LRPAP1: variants seen among roughly 807,000 people sequenced by gnomAD.
The protein encoded by LRPAP1 is alpha-2-macroglobulin receptor-associated protein.
Under a neutral mutation model 39.9 loss-of-function variants are expected in LRPAP1, and 41 were observed. That is an observed-to-expected ratio of 1.03 (90% confidence interval 0.80 to 1.33). The LOEUF (loss-of-function observed/expected upper bound fraction) is 1.33. Ranked by LOEUF, LRPAP1 falls within the 40% of genes most tolerant of loss-of-function variation. LRPAP1 has a pLI of 0.00. For missense variants in LRPAP1, 565 were observed against 482.3 expected (o/e 1.17, Z -1.61); for synonymous variants, 263 against 212.7 (o/e 1.24, Z -2.06).
rs763010898 is a variant in LRPAP1 at position 3,518,076 on chromosome 4, GGTCC to G, written c.705_708del (p.Asp236AlafsTer21). 2 of 1,612,566 alleles carry G rather than the reference GGTCC, an allele frequency of 1.2e-6. No individual in the cohort carries two copies. The highest frequency in any genetic ancestry group is 2.2e-5 in the South Asian group (2 of 90,976). On this transcript the variant is annotated frameshift_variant, in exon 5 of 8. Coordinates refer to ENST00000650182, the MANE Select transcript of LRPAP1 (RefSeq NM_002337.4). LOFTEE classifies it high-confidence loss of function. ...CCCTGGTGGCTGACCCTGCGCAGGC[GGTCC>G]AGGCCCTGGTTGATGCTGCGCAGCT... is the stretch of plus-strand genomic sequence containing the variant.
chr4:3,506,992 G>C lies in LRPAP1; in HGVS notation c.*5982C>G, dbSNP rs1388239356. On this transcript the variant is annotated 3_prime_UTR_variant, in exon 8 of 8. Transcript: ENST00000650182. ...GGCACTCCGCGAGGTGGAGGCAGGT[G>C]AATCACTTGAGACCAGGACTCCGAG... 1 of 152,248 alleles carries C rather than the reference G, an allele frequency of 6.6e-6. No individual in the cohort carries two copies. Among genetic ancestry groups the C allele is most frequent in the African/African-American group, 2.4e-5 (1 of 41,448 alleles). 9.4% of individuals were successfully genotyped at this position (152,248 alleles called of 1,614,324 possible).
At chr4:3,513,093 G>C in intron 7 of LRPAP1, 57 bp from the exon 8 acceptor site, 6 of 1,369,650 alleles carry the variant, frequency 4.4e-6, no homozygotes, top group Non-Finnish European at 6.2e-6. Context: ...CCAGCTCTGT[G>C]AGCTCAGCCT....
intron 1 of LRPAP1, among the ~76,000 whole-genome samples, chr4:3,525,815 T>A (rs933843621): frequency 2.6e-5 from 4 of 152,210 alleles, no homozygotes; most frequent in African/African-American, 7.2e-5. Flanking sequence ...TGCTTTTTGG[T>A]TGCAAAGACA....
At chr4:3,532,086 G>T in intron 1 of LRPAP1, 123 bp downstream of exon 1, 1 of 1,096,588 alleles carries the variant, frequency 9.1e-7, no homozygotes. Flanking sequence ...AGGACAGGGC[G>T]CGTAGGGCAC....
chr4:3,513,889 C>A (rs189051221), intron 7 of LRPAP1, among the ~76,000 whole-genome samples: 2 of 152,272 alleles, frequency 1.3e-5, no homozygotes, highest in Non-Finnish European at 2.9e-5. Flanking sequence ...GGGTGAATAA[C>A]TCACCGAAGG....
intron 1 of LRPAP1, among the ~76,000 whole-genome samples, chr4:3,528,600 C>G (rs757330131): frequency 6.6e-6 from 1 of 152,244 alleles, no homozygotes; most frequent in Admixed American, 6.5e-5. Context: ...AGGGCATGTG[C>G]CATCCTCCCA....
chr4:3,515,883 C>A, intron 6 of LRPAP1: 1 of 576,458 alleles, frequency 1.7e-6, no homozygotes. Flanking sequence ...GACGTGAACA[C>A]GGACAAAAGA....
chr4:3,511,121 G>A lies in LRPAP1; in HGVS notation c.*1853C>T, dbSNP rs1029798291. On this transcript the variant is annotated 3_prime_UTR_variant, in exon 8 of 8. Coordinates refer to ENST00000650182, the MANE Select transcript of LRPAP1 (RefSeq NM_002337.4). Reference sequence around the variant, plus strand: ...AGCACCAAGTCTCAGCAATCCACTAGTGTTCTCCTTCCACCCAGCTGGGAG... The same window carrying A: ...AGCACCAAGTCTCAGCAATCCACTAATGTTCTCCTTCCACCCAGCTGGGAG... 2 of 152,194 alleles carry A rather than the reference G, an allele frequency of 1.3e-5. No individual in the cohort carries two copies. Among genetic ancestry groups the A allele is most frequent in the Non-Finnish European group, 2.9e-5 (2 of 68,056 alleles). The allele number at this position is 152,194 out of a possible 1,614,324, so 9.4% of individuals were successfully genotyped here. A position where few individuals can be genotyped will look rare whatever the true frequency, so the allele number is the denominator to read the frequency against.
intron 2 of LRPAP1, among the ~76,000 whole-genome samples, chr4:3,522,558 A>G (rs55809836): frequency 0.58 from 51,780 of 89,646 alleles, 16,674 homozygotes; most frequent in East Asian, 0.85. Flanking sequence ...CGGGGAGGAC[A>G]GACGCCACCC....
Position 3,518,077 on chromosome 4 carries a change from G to T in LRPAP1, c.708C>A (p.Asp236Glu). 10 of 1,612,780 alleles carry T rather than the reference G, an allele frequency of 6.2e-6. No homozygotes were observed. The highest frequency in any genetic ancestry group is 8.5e-6 in the Non-Finnish European group (10 of 1,179,900). ...CCTGGTGGCTGACCCTGCGCAGGCG[G>T]TCCAGGCCCTGGTTGATGCTGCGCA... ...EKLRSINQGL[D>E]RLRRVSHQGY... Residue 236 changes from aspartate to glutamate, a missense_variant, in exon 5 of 8, where the codon GAC (aspartate) becomes GAA (glutamate). Transcript: ENST00000650182.
intron 2 of LRPAP1, among the ~76,000 whole-genome samples, chr4:3,521,296 G>A (rs566676355): frequency 1.3e-5 from 2 of 152,182 alleles, no homozygotes; most frequent in Non-Finnish European, 2.9e-5. Flanking sequence ...GCTGGGCTCG[G>A]AGCCTCCCTT....
chr4:3,522,019 AAAATAAATG>A (rs2108692618), intron 2 of LRPAP1, among the ~76,000 whole-genome samples: 2 of 152,360 alleles, frequency 1.3e-5, no homozygotes, highest in African/African-American at 4.8e-5. Context: ...GGGGGATGAG[AAAATAAATG>A]AAATAAATAC....
rs1388320252 is a variant in LRPAP1 at position 3,512,315 on chromosome 4, TGA to T, written c.*657_*658del. On this transcript the variant is annotated 3_prime_UTR_variant, in exon 8 of 8. Transcript: ENST00000650182. ...TCCCGAGGTCCCTGAGCTGCAGAGGTGAGAGTTGAAAGACGCTGCCCCCAGGC... is the reference window on the plus strand; with the variant it reads ...TCCCGAGGTCCCTGAGCTGCAGAGGTGAGTTGAAAGACGCTGCCCCCAGGC... 6.6e-6 allele frequency: 1 copy of T among 152,166 alleles called. No homozygotes were observed. The highest frequency in any genetic ancestry group is 1.5e-5 in the Non-Finnish European group (1 of 68,178). 9.4% of individuals were successfully genotyped at this position (152,166 alleles called of 1,614,324 possible). A position where few individuals can be genotyped will look rare whatever the true frequency, so the allele number is the denominator to read the frequency against.
At chr4:3,530,260 C>T (rs1403177149) in intron 1 of LRPAP1, among the ~76,000 whole-genome samples, 3 of 152,140 alleles carry the variant, frequency 2.0e-5, no homozygotes, top group East Asian at 1.9e-4. Context: ...AAGACCCGGA[C>T]GGGTCTGACG....
intron 1 of LRPAP1, 62 bp downstream of exon 1, chr4:3,532,147 A>C: frequency 2.7e-6 from 4 of 1,501,446 alleles, no homozygotes; most frequent in Admixed American, 2.0e-5. Flanking sequence ...GCCCCGCTCC[A>C]ACGACCCCAA....
intron 2 of LRPAP1, among the ~76,000 whole-genome samples, chr4:3,523,237 G>A (rs1267645578): frequency 1.3e-5 from 2 of 152,162 alleles, no homozygotes; most frequent in African/African-American, 4.8e-5. Flanking sequence ...ATGCTGCCCT[G>A]CTGCATAGCC....
At position 3,512,926 on chromosome 4, in the gene LRPAP1, G is replaced by T. The variant is rs1355246544; in HGVS notation, c.*48C>A. ...GGAAATGCCACGGCCAAGAGCCCAGGTCCTTCACGCTGGCCTCTTCCCTGC... is the reference window on the plus strand; with the variant it reads ...GGAAATGCCACGGCCAAGAGCCCAGTTCCTTCACGCTGGCCTCTTCCCTGC... On this transcript the variant is annotated 3_prime_UTR_variant, in exon 8 of 8. Coordinates refer to ENST00000650182, the MANE Select transcript of LRPAP1 (RefSeq NM_002337.4). The T allele has an allele frequency of 4.5e-6, 7 of 1,552,018 alleles. No individual in the cohort carries two copies. The highest frequency in any genetic ancestry group is 6.1e-6 in the Non-Finnish European group (7 of 1,139,920).
chr4:3,517,744 C>T (rs767405558), intron 5 of LRPAP1: 49 of 339,654 alleles, frequency 1.4e-4, no homozygotes, highest in Non-Finnish European at 1.8e-4. Flanking sequence ...CGGGAGGGGC[C>T]GTGCTGCTGA....
chr4:3,514,967 TGCTC>T, intron 6 of LRPAP1, 39 bp from the exon 7 acceptor site: 2 of 1,599,682 alleles, frequency 1.3e-6, no homozygotes, highest in African/African-American at 1.3e-5. Context: ...TCCCTTCCCG[TGCTC>T]GCCACGCCAT....
Sources: gnomAD v4.1 joint callset for allele counts (sites outside exome capture counted in the v4.1 genomes callset) on GRCh38, gnomAD v4.1.1 for gene constraint, MANE v1.5 for transcripts, NCBI Gene and HGNC (gene_info 2026-07-23, HGNC 2026-07-21) for gene names.